Variants in FRMD4A observed in about 807,000 individuals in gnomAD.
FRMD4A encodes the protein FERM domain-containing protein 4A.
A neutral mutation model predicts 129.1 loss-of-function variants in FRMD4A; 29 were observed. That is an observed-to-expected ratio of 0.22 (90% confidence interval 0.17 to 0.31). FRMD4A has a LOEUF of 0.31. Among genes scored for constraint, FRMD4A ranks in the 10% least tolerant of loss-of-function variants. The pLI, the probability that FRMD4A is intolerant of heterozygous loss-of-function variation, is 1.00. For missense variants in FRMD4A, 1,272 were observed against 1,375.8 expected, an observed-to-expected ratio of 0.92 and a Z score of 1.19; for synonymous variants, 634 against 571.6, an observed-to-expected ratio of 1.11 and a Z score of -1.56.
chr10:14,149,779 C>A (rs993042757), intron 2 of FRMD4A, among the ~76,000 whole-genome samples: 1 of 152,344 alleles, frequency 6.6e-6, no homozygotes, highest in South Asian at 2.1e-4. Flanking sequence ...TGTATATGGG[C>A]AGTTGAGTGA....
intron 2 of FRMD4A, among the ~76,000 whole-genome samples, chr10:14,101,646 C>G (rs1837307959): frequency 6.6e-6 from 1 of 152,098 alleles, no homozygotes; most frequent in East Asian, 1.9e-4. Context: ...TTATGTCATA[C>G]CTTATCCATA....
At chr10:14,328,190 G>A (rs1843355619) in intron 2 of FRMD4A, among the ~76,000 whole-genome samples, 1 of 152,106 alleles carries the variant, frequency 6.6e-6, no homozygotes, top group Admixed American at 6.5e-5. Flanking sequence ...CTTTCCCCTG[G>A]TTTCCAAGAG....
intron 2 of FRMD4A, among the ~76,000 whole-genome samples, chr10:13,905,752 G>C (rs1246038936): frequency 6.6e-6 from 1 of 152,182 alleles, no homozygotes; most frequent in Non-Finnish European, 1.5e-5. Flanking sequence ...TACCTAGAAG[G>C]AAGCAGATTT....
intron 3 of FRMD4A, among the ~76,000 whole-genome samples, chr10:13,822,943 T>C (rs2093650721): frequency 6.6e-6 from 1 of 152,158 alleles, no homozygotes; most frequent in Admixed American, 6.5e-5. Context: ...GAGGTCTCCC[T>C]GGGAGCAATG....
chr10:13,833,484 C>A (rs921253416), intron 3 of FRMD4A, among the ~76,000 whole-genome samples: 20 of 152,168 alleles, frequency 1.3e-4, no homozygotes, highest in African/African-American at 4.3e-4. Context: ...CAAACCATAT[C>A]ACCAACCTTC....
At chr10:14,119,962 G>A (rs955702796) in intron 2 of FRMD4A, among the ~76,000 whole-genome samples, 1 of 151,290 alleles carries the variant, frequency 6.6e-6, no homozygotes, top group African/African-American at 2.4e-5. Context: ...GACTTACAAA[G>A]GACACTTTAG....
Position 13,748,113 on chromosome 10 carries a change from C to T in FRMD4A, c.465-294G>A, listed in dbSNP as rs74841004. ...CTCTCACTGAAGGGCACAGAGTGAA[C>T]GCCCCTGAGCAGCCCTCAGCAGGAA... On this transcript the variant is annotated intron_variant, in intron 8 of 24. Transcript: ENST00000357447. Among the ~76,000 whole-genome samples the T allele has an allele frequency of 3.3e-4, 50 of 152,246 alleles. No individual in the cohort carries two copies. In the East Asian group the frequency reaches 8.1e-3, roughly 25 times the overall value.
intron 2 of FRMD4A, among the ~76,000 whole-genome samples, chr10:13,901,616 A>AG: frequency 6.6e-6 from 1 of 152,170 alleles, no homozygotes; most frequent in East Asian, 1.9e-4. Context: ...CTCAAAAAAA[A>AG]AAAAAAAAAG....
chr10:13,970,296 G>C (rs12252807), intron 2 of FRMD4A, among the ~76,000 whole-genome samples: 16 of 120,360 alleles, frequency 1.3e-4, no homozygotes, highest in African/African-American at 8.8e-4. Context: ...TCTACCCCCC[G>C]CCTGCCCAGG....
chr10:13,947,162 C>T (rs921273103), intron 2 of FRMD4A, among the ~76,000 whole-genome samples: 4 of 152,102 alleles, frequency 2.6e-5, no homozygotes, highest in Admixed American at 6.5e-5. Context: ...GGTAGGAAAG[C>T]GGAGACCTGA....
intron 2 of FRMD4A, among the ~76,000 whole-genome samples, chr10:13,904,453 T>C (rs2094857718): frequency 6.6e-6 from 1 of 152,226 alleles, no homozygotes; most frequent in African/African-American, 2.4e-5. Context: ...CGCATCTCTA[T>C]GCTCAGCACG....
At chr10:13,929,726 G>A (rs10906541) in intron 2 of FRMD4A, among the ~76,000 whole-genome samples, 55,604 of 152,060 alleles carry the variant, frequency 0.37, 11,073 homozygotes, top group Non-Finnish European at 0.45. Context: ...CAGTATTTCA[G>A]TTCTCAGCAG....
chr10:14,228,345 T>C (rs1337348602), intron 2 of FRMD4A, among the ~76,000 whole-genome samples: 1 of 152,230 alleles, frequency 6.6e-6, no homozygotes, highest in Non-Finnish European at 1.5e-5. Context: ...CCCCACTTGA[T>C]TGGGACCATC....
intron 2 of FRMD4A, among the ~76,000 whole-genome samples, chr10:14,257,529 A>G (rs1440401721): frequency 6.6e-6 from 1 of 152,218 alleles, no homozygotes; most frequent in Non-Finnish European, 1.5e-5. Context: ...TCGAAAATGC[A>G]TGTGTACCTG....
intron 2 of FRMD4A, among the ~76,000 whole-genome samples, chr10:13,997,527 C>A (rs2095626903): frequency 6.6e-6 from 1 of 152,172 alleles, no homozygotes; most frequent in Non-Finnish European, 1.5e-5. Context: ...CTGTTATATG[C>A]CCATGAGCAT....
chr10:13,713,409 TAAG>T (rs2088242766), intron 12 of FRMD4A, among the ~76,000 whole-genome samples: 1 of 152,178 alleles, frequency 6.6e-6, no homozygotes, highest in African/African-American at 2.4e-5. Context: ...AGTCTCTATA[TAAG>T]AAGAATTAGA....
intron 2 of FRMD4A, among the ~76,000 whole-genome samples, chr10:14,303,217 G>T (rs1589285922): frequency 6.6e-6 from 1 of 152,284 alleles, no homozygotes; most frequent in Non-Finnish European, 1.5e-5. Flanking sequence ...CAGTTCTAGG[G>T]TAACCAGGGT....
chr10:14,208,444 C>A (rs936968855), intron 2 of FRMD4A, among the ~76,000 whole-genome samples: 1 of 152,050 alleles, frequency 6.6e-6, no homozygotes, highest in African/African-American at 2.4e-5. Context: ...TGTTATCTAC[C>A]GCGTGGATGC....
rs531147733 is a variant in FRMD4A, at chr10:13,738,036, C to G, written c.673-106G>C. The G allele has an allele frequency of 1.2e-3, 864 of 698,086 alleles. 3 individuals are homozygous for G. Among genetic ancestry groups the G allele is most frequent in the Non-Finnish European group, 8.6e-4 (331 of 386,678 alleles). 43.2% of individuals were successfully genotyped at this position (698,086 alleles called of 1,614,324 possible). The stretch of plus-strand genomic sequence containing the variant: ...GGCAGACGAGGGAAAGGGCCATTTC[C>G]TTGGAATGGATGGAGCCCACCTGTC... On this transcript the variant is annotated intron_variant, in intron 11 of 24. Transcript: ENST00000357447.
Sources: gnomAD v4.1 joint callset for allele counts (sites outside exome capture counted in the v4.1 genomes callset) on GRCh38, gnomAD v4.1.1 for gene constraint, MANE v1.5 for transcripts, NCBI Gene and HGNC (gene_info 2026-07-23, HGNC 2026-07-21) for gene names.